The following MYO6 variants were observed in gnomAD, a reference collection of about 807,000 sequenced individuals.
The protein encoded by MYO6 is myosin VI, also known as unconventional myosin-VI.
In MYO6, 74 loss-of-function variants were observed where a neutral mutation model predicts 178.7. The observed-to-expected ratio is 0.41, with a 90% confidence interval of 0.34 to 0.50. The LOEUF is 0.50. Ranked by LOEUF, MYO6 falls within the 20% of genes least tolerant of loss-of-function variation. The pLI, the probability that MYO6 is intolerant of heterozygous loss-of-function variation, is 0.09. For missense variants in MYO6, 1,330 were observed against 1,547.4 expected (o/e 0.86, Z 2.36); for synonymous variants, 477 against 504.6 (o/e 0.95, Z 0.73).
intron 23 of MYO6, among the ~76,000 whole-genome samples, chr6:75,882,988 C>T (rs753536596): frequency 2.0e-4 from 31 of 151,980 alleles, no homozygotes; most frequent in Non-Finnish European, 3.5e-4. Context: ...TTGTAGTTGC[C>T]CAGAGAACTG....
At chr6:75,897,420 C>T (rs769760039) in intron 29 of MYO6, among the ~76,000 whole-genome samples, 2 of 152,176 alleles carry the variant, frequency 1.3e-5, no homozygotes, top group African/African-American at 2.4e-5. Context: ...ATCTTGTTCT[C>T]TGACTGTGCT....
intron 1 of MYO6, among the ~76,000 whole-genome samples, chr6:75,816,929 T>C (rs1344319378): frequency 6.6e-6 from 1 of 152,238 alleles, no homozygotes; most frequent in Non-Finnish European, 1.5e-5. Flanking sequence ...GGTTGTACTC[T>C]ACTGCAGTCA....
chr6:75,909,178 C>T (rs1409374667), intron 32 of MYO6, among the ~76,000 whole-genome samples: 2 of 152,208 alleles, frequency 1.3e-5, no homozygotes, highest in Non-Finnish European at 2.9e-5. Flanking sequence ...GCATGAGCTA[C>T]TGCTCCCACC....
rs1778055162 is a variant in MYO6, at chr6:75,881,831, C to T, written c.2416+13C>T. The T allele has an allele frequency of 6.2e-7, 1 of 1,612,890 alleles. No homozygotes were observed. Among genetic ancestry groups the T allele is most frequent in the Non-Finnish European group, 8.5e-7 (1 of 1,179,146 alleles). ...TCAGTCATCAAATGTAGGTGTTTTC[C>T]TTTACACCTATAGGATCTTTCATTG... On this transcript the variant is annotated intron_variant, in intron 23 of 34. Transcript: ENST00000369977.
In MYO6 at chr6:75,820,660, C is replaced by T. The variant is rs139115553; in HGVS notation, c.118-2122C>T. ...TACAGGGACTACAGGTGTGAGCCAC[C>T]GCACCTGGCCAATCTCCATATCCTT... On this transcript the variant is annotated intron_variant, in intron 2 of 34. Coordinates refer to ENST00000369977, the MANE Select transcript of MYO6 (RefSeq NM_004999.4). Among the ~76,000 whole-genome samples the T allele has an allele frequency of 3.5e-3, 526 of 152,188 alleles. 1 individual carries two copies. The highest frequency in any genetic ancestry group is 6.1e-3 in the Non-Finnish European group (418 of 68,000).
chr6:75,781,425 G>A (rs1766967447), intron 1 of MYO6, among the ~76,000 whole-genome samples: 1 of 152,146 alleles, frequency 6.6e-6, no homozygotes, highest in African/African-American at 2.4e-5. Flanking sequence ...TTTGTGCACA[G>A]CAGATATGCT....
chr6:75,799,611 C>CT (rs1346737224), intron 1 of MYO6, among the ~76,000 whole-genome samples: 1 of 151,976 alleles, frequency 6.6e-6, no homozygotes, highest in Non-Finnish European at 1.5e-5. Flanking sequence ...TATTTACTTT[C>CT]TTTTTTTCCC....
intron 1 of MYO6, among the ~76,000 whole-genome samples, chr6:75,796,351 A>G (rs531438125): frequency 6.6e-6 from 1 of 151,484 alleles, no homozygotes; most frequent in South Asian, 2.1e-4. Context: ...CTCTCAGTAC[A>G]CCCTCCAGTC....
chr6:75,789,505 A>C (rs1054437521), intron 1 of MYO6, among the ~76,000 whole-genome samples: 1 of 152,038 alleles, frequency 6.6e-6, no homozygotes, highest in Admixed American at 6.6e-5. Flanking sequence ...TTTTATTGTT[A>C]AATATTTATT....
intron 2 of MYO6, 86 bp downstream of exon 2, chr6:75,817,750 G>A: frequency 1.7e-6 from 2 of 1,145,130 alleles, no homozygotes; most frequent in Non-Finnish European, 2.6e-6. Context: ...TCTTCTTAAT[G>A]AGGTAGATAT....
intron 16 of MYO6, 28 bp downstream of exon 16, chr6:75,862,751 CTA>C: frequency 6.2e-7 from 1 of 1,611,290 alleles, no homozygotes; most frequent in Non-Finnish European, 8.5e-7. Flanking sequence ...GAAATTGAGA[CTA>C]TGGTGGGACG....
chr6:75,799,024 G>A (rs1210444772), intron 1 of MYO6, among the ~76,000 whole-genome samples: 1 of 152,118 alleles, frequency 6.6e-6, no homozygotes, highest in African/African-American at 2.4e-5. Flanking sequence ...TAGACAAAAC[G>A]AAATACTTAA....
chr6:75,804,131 T>C (rs72654770), intron 1 of MYO6, among the ~76,000 whole-genome samples: 5,639 of 152,288 alleles, frequency 0.037, 229 homozygotes, highest in East Asian at 0.15. Context: ...TGGACTCAAG[T>C]AATCCTCCTG....
rs397812617 is a variant in MYO6, at chr6:75,917,883, GT to G, written c.*2882del. The stretch of plus-strand genomic sequence containing the variant: ...AGCGATCCAAATATGTAGATCATTG[GT>G]TTTTTTTTTTACCTGAAGTAGCTTA... On this transcript the variant is annotated 3_prime_UTR_variant, in exon 35 of 35. Coordinates refer to ENST00000369977, the MANE Select transcript of MYO6 (RefSeq NM_004999.4). 0.83 allele frequency: 126,212 copies of G among 151,224 alleles called. 53,741 individuals are homozygous for G. Among genetic ancestry groups the G allele is most frequent in the East Asian group, 0.92 (4,758 of 5,150 alleles). 9.4% of individuals were successfully genotyped at this position (151,224 alleles called of 1,614,324 possible).
At chr6:75,778,663 G>A (rs1454683333) in intron 1 of MYO6, among the ~76,000 whole-genome samples, 1 of 151,918 alleles carries the variant, frequency 6.6e-6, no homozygotes, top group African/African-American at 2.4e-5. Flanking sequence ...GGCATTGAAA[G>A]TGAACCAGAA....
chr6:75,887,902 CG>C (rs940994404), intron 25 of MYO6, among the ~76,000 whole-genome samples: 13 of 151,488 alleles, frequency 8.6e-5, no homozygotes, highest in South Asian at 2.1e-4. Flanking sequence ...TGGAGTGAAC[CG>C]GGGGGGCGGA....
intron 11 of MYO6, among the ~76,000 whole-genome samples, chr6:75,854,583 G>A (rs1399373509): frequency 2.0e-5 from 3 of 152,056 alleles, no homozygotes; most frequent in Non-Finnish European, 4.4e-5. Context: ...TTGGTCCCAA[G>A]CATTTCAGTT....
intron 1 of MYO6, among the ~76,000 whole-genome samples, chr6:75,758,747 C>T (rs1170267872): frequency 6.6e-5 from 10 of 152,136 alleles, no homozygotes; most frequent in South Asian, 2.1e-4. Flanking sequence ...CGTGAGCCAC[C>T]GCGCCTGGCC....
chr6:75,856,729 A>G (rs545912919), intron 12 of MYO6, among the ~76,000 whole-genome samples: 39 of 152,258 alleles, frequency 2.6e-4, no homozygotes, highest in African/African-American at 7.9e-4. Context: ...AAACAGTGTA[A>G]AGAAGTTACC....
Sources: gnomAD v4.1 joint callset for allele counts (sites outside exome capture counted in the v4.1 genomes callset) on GRCh38, gnomAD v4.1.1 for gene constraint, MANE v1.5 for transcripts, NCBI Gene and HGNC (gene_info 2026-07-23, HGNC 2026-07-21) for gene names.